Variants in CAMK1D observed in about 807,000 individuals in gnomAD.
CAMK1D encodes the protein calcium/calmodulin-dependent protein kinase type 1D.
A neutral mutation model predicts 47.7 loss-of-function variants in CAMK1D; 9 were observed. That is an observed-to-expected ratio of 0.19 (90% confidence interval 0.11 to 0.33). CAMK1D has a LOEUF of 0.33. Among genes scored for constraint, CAMK1D ranks in the 10% least tolerant of loss-of-function variants. The probability of loss-of-function intolerance (pLI) is 1.00; values close to 1 mark genes in which losing one functional copy is unlikely to be tolerated. For synonymous variants in CAMK1D, 184 were observed against 184.9 expected (o/e 0.99, Z 0.04); for missense variants, 291 against 488.7 (o/e 0.60, Z 3.81).
At chr10:12,404,194 C>G (rs749929862) in intron 1 of CAMK1D, among the ~76,000 whole-genome samples, 1 of 151,902 alleles carries the variant, frequency 6.6e-6, no homozygotes, top group Non-Finnish European at 1.5e-5. Flanking sequence ...TACAGGTGTC[C>G]GCCACCGCGC....
At chr10:12,607,687 G>A (rs1838501817) in intron 2 of CAMK1D, among the ~76,000 whole-genome samples, 1 of 152,204 alleles carries the variant, frequency 6.6e-6, no homozygotes, top group Admixed American at 6.5e-5. Context: ...GGCACCTGGT[G>A]CAGTGGATCA....
intron 3 of CAMK1D, among the ~76,000 whole-genome samples, chr10:12,732,766 A>G (rs1179717850): frequency 2.7e-5 from 4 of 150,928 alleles, no homozygotes; most frequent in Non-Finnish European, 5.9e-5. Context: ...AACCCTATCA[A>G]TCTGGTTCAC....
intron 2 of CAMK1D, among the ~76,000 whole-genome samples, chr10:12,615,435 T>C (rs1838753131): frequency 6.6e-6 from 1 of 152,102 alleles, no homozygotes; most frequent in Non-Finnish European, 1.5e-5. Flanking sequence ...TCTGAGTGTG[T>C]GAGTGTGTGC....
intron 1 of CAMK1D, among the ~76,000 whole-genome samples, chr10:12,375,162 C>G (rs1838140250): frequency 1.3e-5 from 2 of 152,092 alleles, no homozygotes; most frequent in South Asian, 2.1e-4. Context: ...GCAGGGGACA[C>G]TTTCTTACAT....
intron 5 of CAMK1D, among the ~76,000 whole-genome samples, chr10:12,787,307 G>A (rs1310780900): frequency 6.6e-6 from 1 of 152,132 alleles, no homozygotes; most frequent in Admixed American, 6.5e-5. Context: ...CTTGATGTGT[G>A]GATTTCTAGA....
At chr10:12,777,537 G>A (rs1338827050) in intron 5 of CAMK1D, among the ~76,000 whole-genome samples, 1 of 151,786 alleles carries the variant, frequency 6.6e-6, no homozygotes, top group Non-Finnish European at 1.5e-5. Context: ...CATGCCCTAG[G>A]CTAATTTTAT....
At chr10:12,625,568 C>A (rs1228622829) in intron 2 of CAMK1D, among the ~76,000 whole-genome samples, 2 of 124,872 alleles carry the variant, frequency 1.6e-5, no homozygotes, top group Non-Finnish European at 3.5e-5. Context: ...TGGGCTCAAA[C>A]AATCCTCTCG....
intron 1 of CAMK1D, among the ~76,000 whole-genome samples, chr10:12,350,714 GTTTGT>G (rs1837329637): frequency 6.6e-6 from 1 of 152,250 alleles, no homozygotes; most frequent in Admixed American, 6.5e-5. Context: ...GTTGGGTCTT[GTTTGT>G]TTTGTTTCGG....
At chr10:12,527,394 G>T (rs1835661488) in intron 1 of CAMK1D, among the ~76,000 whole-genome samples, 1 of 113,316 alleles carries the variant, frequency 8.8e-6, no homozygotes. Flanking sequence ...TCGCTCTGTT[G>T]CCCAGGCTGG....
intron 2 of CAMK1D, among the ~76,000 whole-genome samples, chr10:12,663,980 A>G (rs1024559512): frequency 1.3e-5 from 2 of 152,156 alleles, no homozygotes; most frequent in African/African-American, 4.8e-5. Flanking sequence ...TTTTCTTAAG[A>G]GACATTAAGA....
At chr10:12,511,770 C>T (rs1564381807) in intron 1 of CAMK1D, among the ~76,000 whole-genome samples, 1 of 152,206 alleles carries the variant, frequency 6.6e-6, no homozygotes, top group African/African-American at 2.4e-5. Context: ...ACCCATGGGC[C>T]GCCCAGAAGG....
chr10:12,364,793 G>A (rs1374635708), intron 1 of CAMK1D, among the ~76,000 whole-genome samples: 1 of 152,100 alleles, frequency 6.6e-6, no homozygotes, highest in Non-Finnish European at 1.5e-5. Context: ...CTGATTTCAA[G>A]CTCCCCATGG....
intron 3 of CAMK1D, among the ~76,000 whole-genome samples, chr10:12,698,964 C>T (rs993354674): frequency 1.8e-4 from 28 of 151,982 alleles, no homozygotes; most frequent in Admixed American, 2.0e-4. Flanking sequence ...AGCCACTGCA[C>T]CCGGCCTAGA....
intron 3 of CAMK1D, among the ~76,000 whole-genome samples, chr10:12,731,143 C>T (rs1834863354): frequency 6.6e-6 from 1 of 152,144 alleles, no homozygotes; most frequent in East Asian, 1.9e-4. Flanking sequence ...GAAGGGAAGG[C>T]AGTGCTATCA....
chr10:12,370,838 C>T (rs11594169), intron 1 of CAMK1D, among the ~76,000 whole-genome samples: 49,247 of 151,920 alleles, frequency 0.32, 8,136 homozygotes, highest in Middle Eastern at 0.39. Flanking sequence ...GAACTCCTGA[C>T]GTCAGGTGAT....
chr10:12,639,179 A>G (rs1457790152), intron 2 of CAMK1D, among the ~76,000 whole-genome samples: 1 of 152,198 alleles, frequency 6.6e-6, no homozygotes, highest in Non-Finnish European at 1.5e-5. Flanking sequence ...AGCAATATAG[A>G]GAAGCTTTTA....
chr10:12,536,182 C>T (rs1380643929), intron 1 of CAMK1D, among the ~76,000 whole-genome samples: 2 of 152,052 alleles, frequency 1.3e-5, no homozygotes, highest in African/African-American at 2.4e-5. Flanking sequence ...TACCCACCAC[C>T]CAGACTGAGC....
At chr10:12,536,115 A>G (rs1243159933) in intron 1 of CAMK1D, among the ~76,000 whole-genome samples, 2 of 152,032 alleles carry the variant, frequency 1.3e-5, no homozygotes, top group Non-Finnish European at 1.5e-5. Flanking sequence ...TTTGAAAATC[A>G]TGAAAGATTT....
chr10:12,419,891 T>C (rs1420230426), intron 1 of CAMK1D, among the ~76,000 whole-genome samples: 1 of 152,174 alleles, frequency 6.6e-6, no homozygotes, highest in Admixed American at 6.6e-5. Context: ...TTTAGAATTT[T>C]TAGTAAGCAG....
Sources: gnomAD v4.1 joint callset for allele counts (sites outside exome capture counted in the v4.1 genomes callset) on GRCh38, gnomAD v4.1.1 for gene constraint, MANE v1.5 for transcripts, NCBI Gene and HGNC (gene_info 2026-07-23, HGNC 2026-07-21) for gene names.